MIGA1: variants seen among roughly 807,000 people sequenced by gnomAD.
MIGA1 encodes the protein mitoguardin 1, also known as family with sequence similarity 73, member A.
Under a neutral mutation model 82.0 loss-of-function variants are expected in MIGA1, and 58 were observed. The ratio of observed to expected loss-of-function variants is 0.71; its 90% CI spans 0.57 to 0.88. The LOEUF is 0.88. Ranked by LOEUF, MIGA1 falls within the 40% of genes least tolerant of loss-of-function variation. The pLI, the probability that MIGA1 is intolerant of heterozygous loss-of-function variation, is 0.00. For synonymous variants in MIGA1, 249 were observed against 253.6 expected (o/e 0.98, Z 0.17); for missense variants, 751 against 749.1 (o/e 1.00, Z -0.03).
intron 7 of MIGA1, among the ~76,000 whole-genome samples, chr1:77,838,717 G>A (rs1325080675): frequency 6.6e-6 from 1 of 152,060 alleles, no homozygotes; most frequent in Non-Finnish European, 1.5e-5. Context: ...CAAAGTGCTG[G>A]GATTACAGGC....
intron 7 of MIGA1, among the ~76,000 whole-genome samples, chr1:77,829,393 G>C (rs1396791664): frequency 2.0e-5 from 3 of 152,196 alleles, no homozygotes; most frequent in African/African-American, 7.2e-5. Flanking sequence ...TGAAGCTGTA[G>C]TGAGCTAGGA....
In MIGA1 at chr1:77,874,970, A is replaced by G. The variant is rs751160102; in HGVS notation, c.1805A>G (p.Tyr602Cys). ...CGCCGCACTGAGCTTTTAATGGCCT[A>G]TCTTGAAGCAGATGCCCTGAGGCAT... Residue 602 changes from tyrosine to cysteine, a missense_variant, in exon 16 of 16, where the codon TAT becomes TGT. By Grantham distance (194) the Tyr-to-Cys change is radical. Around this residue, in one of 3 missense-constraint regions of MIGA1, gnomAD observed 265 missense variants for 293.6 expected, o/e 0.90. Coordinates refer to ENST00000370791, the MANE Select transcript of MIGA1 (RefSeq NM_198549.4). The G allele has an allele frequency of 5.0e-6, 8 of 1,614,036 alleles. No individual in the cohort carries two copies. The highest frequency in any genetic ancestry group is 1.1e-5 in the South Asian group (1 of 91,084).
At position 77,807,066 on chromosome 1, in the gene MIGA1, T is replaced by C; in HGVS notation, c.602T>C (p.Ile201Thr). 1 of 1,598,836 alleles carries C rather than the reference T, an allele frequency of 6.3e-7. No individual in the cohort carries two copies. Among genetic ancestry groups the C allele is most frequent in the Non-Finnish European group, 8.6e-7 (1 of 1,166,880 alleles). ...GAAGATGATATTAAACTTGTTAATATTCCTGTGACTACTCCAGAGAACTTA... is the reference window on the plus strand; with the variant it reads ...GAAGATGATATTAAACTTGTTAATACTCCTGTGACTACTCCAGAGAACTTA... Residue 201 changes from isoleucine to threonine, a missense_variant, in exon 5 of 16, where the codon ATT becomes ACT. Ile to Thr is a moderately conservative substitution (Grantham distance 89). This residue lies in a region of MIGA1 where 482 missense variants were observed against 439.4 expected (regional missense o/e 1.10). Coordinates refer to ENST00000370791, the MANE Select transcript of MIGA1 (RefSeq NM_198549.4).
rs569949149 is a variant in MIGA1, at chr1:77,779,673, A to C, written c.18A>C (p.Ser6=). 5 of 1,586,128 alleles carry C rather than the reference A, an allele frequency of 3.2e-6. No homozygotes were observed. Among genetic ancestry groups the C allele is most frequent in the East Asian group, 2.3e-5 (1 of 43,606 alleles). ...CCTTCTCCATGTCAGACTGCTGCTC[A>C]GCGCCAGGCATCAGCTGGGAAGCTG... Residue 6 remains serine (S), a synonymous_variant, in exon 1 of 16, where the codon TCA becomes TCC. Transcript: ENST00000370791.
rs762883884 is a variant in MIGA1, at chr1:77,803,329, A to G, written c.433A>G (p.Lys145Glu). ...ATTATCTTTAAGTTCTACCAAAGAC[A>G]AAGGATCTCAAGTTTGTAACTATGC... is the stretch of plus-strand genomic sequence containing the variant. The change falls in exon 4 of 16, where the codon AAA becomes GAA. Residue 145 changes from lysine (K) to glutamate (E), a missense_variant. Around this residue, in one of 3 missense-constraint regions of MIGA1, gnomAD observed 482 missense variants for 439.4 expected, o/e 1.10. Coordinates refer to ENST00000370791, the MANE Select transcript of MIGA1 (RefSeq NM_198549.4). 6.4e-7 allele frequency: 1 copy of G among 1,566,422 alleles called. No homozygotes were observed. Among genetic ancestry groups the G allele is most frequent in the African/African-American group, 1.4e-5 (1 of 73,268 alleles).
intron 12 of MIGA1, chr1:77,861,613 C>A: frequency 3.0e-6 from 1 of 337,160 alleles, no homozygotes; most frequent in Non-Finnish European, 5.4e-6. Flanking sequence ...TGGCAGGCCC[C>A]TAGCAGGACA....
chr1:77,817,955 ATTTTT>A (rs10676009), intron 7 of MIGA1, among the ~76,000 whole-genome samples: 18 of 115,600 alleles, frequency 1.6e-4, no homozygotes, highest in East Asian at 8.0e-4. Flanking sequence ...AGATTGGAAG[ATTTTT>A]TTTTTTTTTT....
rs1023770700 is a variant in MIGA1 at position 77,847,085 on chromosome 1, C to T, written c.996+3678C>T. The T allele has an allele frequency of 9.8e-5, 78 of 792,588 alleles. No homozygotes were observed. The East Asian group carries it at 1.8e-3, about 19-fold the overall frequency. 49.1% of individuals were successfully genotyped at this position (792,588 alleles called of 1,614,324 possible). ...AGAAACTACACCAACAGTAGGGCCACGTTCAGTAGATATGGGAACAAGATG... is the reference window on the plus strand; with the variant it reads ...AGAAACTACACCAACAGTAGGGCCATGTTCAGTAGATATGGGAACAAGATG... On this transcript the variant is annotated intron_variant, in intron 8 of 15. Transcript: ENST00000370791.
chr1:77,852,005 C>G (rs946705774), intron 8 of MIGA1, among the ~76,000 whole-genome samples: 3 of 151,946 alleles, frequency 2.0e-5, no homozygotes, highest in African/African-American at 7.3e-5. Context: ...CTGCCTCAGC[C>G]TCCCAAGTAG....
At chr1:77,813,128 C>T (rs1001870732) in intron 5 of MIGA1, among the ~76,000 whole-genome samples, 3 of 152,022 alleles carry the variant, frequency 2.0e-5, no homozygotes, top group Non-Finnish European at 2.9e-5. Flanking sequence ...ATTACAGGCA[C>T]GTATCACCAC....
At position 77,859,024 on chromosome 1, in the gene MIGA1, T is replaced by G; in HGVS notation, c.1083T>G (p.Val361=). 1 of 1,613,272 alleles carries G rather than the reference T, an allele frequency of 6.2e-7. No homozygotes were observed. The stretch of plus-strand genomic sequence containing the variant: ...TTTACGAGGAAGCCATGCATTTAGT[T>G]GAAGAAGGAAAAATTTACTCCAGAG... Residue 361 remains valine (V), a synonymous_variant, in exon 9 of 16, where the codon GTT becomes GTG. Coordinates refer to ENST00000370791, the MANE Select transcript of MIGA1 (RefSeq NM_198549.4).
intron 4 of MIGA1, 78 bp from the exon 5 acceptor site, chr1:77,806,897 A>C: frequency 9.1e-7 from 1 of 1,093,590 alleles, no homozygotes; most frequent in African/African-American, 1.6e-5. Flanking sequence ...ATTTATAAAA[A>C]TAATTTGTAA....
chr1:77,860,192 G>A, intron 11 of MIGA1, 66 bp downstream of exon 11: 15 of 1,128,962 alleles, frequency 1.3e-5, no homozygotes, highest in Non-Finnish European at 1.9e-5. Context: ...TTGAACTGAA[G>A]ATTAAGACAT....
intron 5 of MIGA1, chr1:77,810,753 G>T: frequency 1.7e-6 from 2 of 1,187,852 alleles, no homozygotes; most frequent in South Asian, 3.0e-5. Context: ...TACTGGTCTG[G>T]GTACGGCTTG....
In MIGA1 at chr1:77,779,703, G is replaced by T; in HGVS notation, c.48G>T (p.Val16=). ...CAGGCATCAGCTGGGAAGCTGGCGT[G>T]GGCAGGCCAGCTGTACCTGGCCTGG... is the stretch of plus-strand genomic sequence containing the variant. The change falls in exon 1 of 16, where the codon GTG becomes GTT. Residue 16 remains valine (V), a synonymous_variant. Transcript: ENST00000370791. 2 of 1,589,092 alleles carry T rather than the reference G, an allele frequency of 1.3e-6. No individual in the cohort carries two copies. Among genetic ancestry groups the T allele is most frequent in the East Asian group, 2.3e-5 (1 of 43,742 alleles).
chr1:77,826,171 A>G (rs770703278), intron 7 of MIGA1, among the ~76,000 whole-genome samples: 10 of 152,210 alleles, frequency 6.6e-5, no homozygotes, highest in Non-Finnish European at 8.8e-5. Flanking sequence ...TTGTTAGTCA[A>G]TTCTGCAGAC....
chr1:77,803,249 AT>A lies in MIGA1; in HGVS notation c.374-19del. On this transcript the variant is annotated intron_variant, in intron 3 of 15. Transcript: ENST00000370791. Reference sequence around the variant, plus strand: ...CATTGGCGTTATTGATATTTTTAATATTAGTATGTTTATTTGATAGGTTCAA... The same window carrying A: ...CATTGGCGTTATTGATATTTTTAATATAGTATGTTTATTTGATAGGTTCAA... 1 of 1,383,348 alleles carries A rather than the reference AT, an allele frequency of 7.2e-7. No individual in the cohort carries two copies. Among genetic ancestry groups the A allele is most frequent in the Non-Finnish European group, 9.5e-7 (1 of 1,047,672 alleles). 85.7% of individuals were successfully genotyped at this position (1,383,348 alleles called of 1,614,324 possible). A position where few individuals can be genotyped will look rare whatever the true frequency, so the allele number is the denominator to read the frequency against.
At position 77,848,451 on chromosome 1, in the gene MIGA1, GAAGT is replaced by G. The variant is rs1684925547; in HGVS notation, c.996+5049_996+5052del. On this transcript the variant is annotated intron_variant, in intron 8 of 15. Transcript: ENST00000370791. ...TAAATACAGAGATAGAGAAAAACAA[GAAGT>G]AAGTGTTTGATCTTCAGAAAGAAAT... 5.3e-6 allele frequency: 5 copies of G among 945,174 alleles called. No homozygotes were observed. In the Admixed American group the frequency reaches 9.3e-5, roughly 18 times the overall value. 58.5% of individuals were successfully genotyped at this position (945,174 alleles called of 1,614,324 possible). A position where few individuals can be genotyped will look rare whatever the true frequency, so the allele number is the denominator to read the frequency against.
intron 2 of MIGA1, among the ~76,000 whole-genome samples, chr1:77,797,372 C>T (rs954059758): frequency 6.6e-5 from 10 of 152,276 alleles, no homozygotes; most frequent in African/African-American, 1.2e-4. Context: ...TTGATCTATA[C>T]GTCCACACTG....
Sources: gnomAD v4.1 joint callset for allele counts (sites outside exome capture counted in the v4.1 genomes callset) on GRCh38, gnomAD v4.1.1 for gene constraint, gnomAD v4.1.1 regional missense constraint, MANE v1.5 for transcripts, NCBI Gene and HGNC (gene_info 2026-07-23, HGNC 2026-07-21) for gene names.